Variants in NT5DC1 observed in about 807,000 individuals in gnomAD.
NT5DC1 encodes 5'-nucleotidase domain containing 1.
A neutral mutation model predicts 59.4 loss-of-function variants in NT5DC1; 42 were observed. The ratio of observed to expected loss-of-function variants is 0.71; its 90% CI spans 0.55 to 0.92. The LOEUF is 0.92. Ranked by LOEUF, NT5DC1 falls within the 40% of genes least tolerant of loss-of-function variation. The probability of loss-of-function intolerance (pLI) is 0.00; values close to 1 mark genes in which losing one functional copy is unlikely to be tolerated. For synonymous variants in NT5DC1, 172 were observed against 188.1 expected, an observed-to-expected ratio of 0.91 and a Z score of 0.70; for missense variants, 501 against 537.1, an observed-to-expected ratio of 0.93 and a Z score of 0.66.
intron 6 of NT5DC1, among the ~76,000 whole-genome samples, chr6:116,214,195 C>CA (rs1381196318): frequency 6.6e-6 from 1 of 151,954 alleles, no homozygotes; most frequent in Non-Finnish European, 1.5e-5. Flanking sequence ...ACTTTACATG[C>CA]AAGAGTATTG....
At chr6:116,177,414 A>G (rs1330858398) in intron 6 of NT5DC1, among the ~76,000 whole-genome samples, 1 of 152,212 alleles carries the variant, frequency 6.6e-6, no homozygotes, top group African/African-American at 2.4e-5. Flanking sequence ...CACTCTAAAT[A>G]TTAGAAATGG....
Position 116,110,898 on chromosome 6 carries a change from A to C in NT5DC1, c.306A>C (p.Ala102=). The C allele has an allele frequency of 6.2e-7, 1 of 1,614,208 alleles. No individual in the cohort carries two copies. The highest frequency in any genetic ancestry group is 2.2e-5 in the East Asian group (1 of 44,880). Residue 102 remains alanine, a synonymous_variant, in exon 4 of 12, where the codon GCA becomes GCC. Transcript: ENST00000319550. ...KMMTPEVLAE[A]YGKKEWKHFL... is the part of the protein sequence containing the mutation. ...TGACTCCAGAGGTGCTGGCAGAGGC[A>C]TATGGCAAGAAAGAGTGGAAGCACT...
intron 6 of NT5DC1, 30 bp from the exon 7 acceptor site, chr6:116,221,024 A>G: frequency 9.0e-7 from 1 of 1,107,156 alleles, no homozygotes; most frequent in East Asian, 2.4e-5. Flanking sequence ...GTTTAAAAAG[A>G]AAAACCTCAT....
chr6:116,122,281 A>G (rs971840827), intron 6 of NT5DC1, among the ~76,000 whole-genome samples: 2 of 152,200 alleles, frequency 1.3e-5, no homozygotes, highest in African/African-American at 4.8e-5. Context: ...ATTTTGGGAA[A>G]ATCATGTACA....
chr6:116,229,036 G>A (rs1781959409), intron 8 of NT5DC1, among the ~76,000 whole-genome samples: 2 of 152,094 alleles, frequency 1.3e-5, no homozygotes, highest in Admixed American at 1.3e-4. Context: ...ACATCCCACA[G>A]CCCCAGGGTG....
chr6:116,230,831 G>T (rs148178992), intron 8 of NT5DC1, among the ~76,000 whole-genome samples: 4 of 152,180 alleles, frequency 2.6e-5, no homozygotes, highest in African/African-American at 9.7e-5. Flanking sequence ...GTGCTGAGGG[G>T]TGCAGCTGTC....
At chr6:116,225,321 G>A (rs1417952730) in intron 8 of NT5DC1, among the ~76,000 whole-genome samples, 1 of 152,180 alleles carries the variant, frequency 6.6e-6, no homozygotes, top group African/African-American at 2.4e-5. Flanking sequence ...GGAGTAATCA[G>A]CTCATAGATA....
intron 6 of NT5DC1, among the ~76,000 whole-genome samples, chr6:116,184,459 G>T (rs551100983): frequency 9.2e-5 from 14 of 152,062 alleles, no homozygotes; most frequent in Non-Finnish European, 1.6e-4. Flanking sequence ...GTGTCAATTG[G>T]ATTGGTACCA....
At chr6:116,178,088 T>TGTGTGC (rs1491426656) in intron 6 of NT5DC1, among the ~76,000 whole-genome samples, 43 of 99,660 alleles carry the variant, frequency 4.3e-4, no homozygotes, top group African/African-American at 2.0e-3. Context: ...TGTGTGTGTG[T>TGTGTGC]GCGCGCGCGC....
intron 6 of NT5DC1, among the ~76,000 whole-genome samples, chr6:116,176,877 C>T (rs1336352861): frequency 6.6e-6 from 1 of 152,160 alleles, no homozygotes; most frequent in Non-Finnish European, 1.5e-5. Context: ...CTTCTCACTT[C>T]TCCAAGTGCA....
intron 4 of NT5DC1, among the ~76,000 whole-genome samples, chr6:116,111,834 C>T (rs1271753945): frequency 6.6e-6 from 1 of 152,184 alleles, no homozygotes; most frequent in East Asian, 1.9e-4. Flanking sequence ...TAAGATTTCA[C>T]ACTGGGGTTA....
At chr6:116,125,544 T>C in intron 6 of NT5DC1, 1 of 1,584,636 alleles carries the variant, frequency 6.3e-7, no homozygotes, top group Non-Finnish European at 8.7e-7. Flanking sequence ...TACAGCATTG[T>C]TATTAACCTA....
chr6:116,132,301 G>A (rs1283884239), intron 6 of NT5DC1, among the ~76,000 whole-genome samples: 1 of 152,096 alleles, frequency 6.6e-6, no homozygotes, highest in Non-Finnish European at 1.5e-5. Flanking sequence ...TCTCAGTCTA[G>A]TTGTAGTTTT....
rs1300293378 is a variant in NT5DC1 at position 116,239,126 on chromosome 6, A to G, written c.1252+3A>G. 6.2e-7 allele frequency: 1 copy of G among 1,603,278 alleles called. No individual in the cohort carries two copies. Among genetic ancestry groups the G allele is most frequent in the African/African-American group, 1.3e-5 (1 of 74,788 alleles). ...TCCAAGTATTGAAGCAATCGCAGGT[A>G]AGGGGGAAAATACCTATAAAGCTTC... On this transcript the variant is annotated splice_donor_region_variant and intron_variant, in intron 11 of 11. Transcript: ENST00000319550.
At chr6:116,212,708 A>G (rs564144744) in intron 6 of NT5DC1, among the ~76,000 whole-genome samples, 1 of 152,246 alleles carries the variant, frequency 6.6e-6, no homozygotes, top group Non-Finnish European at 1.5e-5. Context: ...AGGCAGGGGA[A>G]CAAACATCCC....
intron 6 of NT5DC1, among the ~76,000 whole-genome samples, chr6:116,144,863 C>T (rs1286303773): frequency 6.6e-6 from 1 of 152,158 alleles, no homozygotes; most frequent in Non-Finnish European, 1.5e-5. Flanking sequence ...CTCTGTTTGG[C>T]ACATAGTTCA....
chr6:116,160,226 C>T (rs1045556251), intron 6 of NT5DC1, among the ~76,000 whole-genome samples: 8 of 152,152 alleles, frequency 5.3e-5, no homozygotes, highest in African/African-American at 1.7e-4. Flanking sequence ...ATTTACATTT[C>T]CACCAACAGT....
At chr6:116,110,061 A>G (rs1178609168) in intron 3 of NT5DC1, among the ~76,000 whole-genome samples, 1 of 152,210 alleles carries the variant, frequency 6.6e-6, no homozygotes. Context: ...AAATATAACA[A>G]TAGAACTCAG....
At chr6:116,162,104 A>G (rs886600929) in intron 6 of NT5DC1, among the ~76,000 whole-genome samples, 9 of 152,122 alleles carry the variant, frequency 5.9e-5, no homozygotes, top group African/African-American at 1.9e-4. Context: ...TAGAAATGCA[A>G]CTGATTATGG....
Sources: gnomAD v4.1 joint callset for allele counts (sites outside exome capture counted in the v4.1 genomes callset) on GRCh38, gnomAD v4.1.1 for gene constraint, MANE v1.5 for transcripts, NCBI Gene and HGNC (gene_info 2026-07-23, HGNC 2026-07-21) for gene names.